ZSWIM4: variants seen among roughly 807,000 people sequenced by gnomAD.
ZSWIM4 encodes the protein zinc finger SWIM-type containing 4.
Under a neutral mutation model 102.5 loss-of-function variants are expected in ZSWIM4, and 62 were observed. The ratio of observed to expected loss-of-function variants is 0.60; its 90% CI spans 0.49 to 0.75. The LOEUF (loss-of-function observed/expected upper bound fraction) is 0.75. ZSWIM4 is among the 30% of genes least tolerant of loss of function. The probability of loss-of-function intolerance (pLI) is 0.00; values close to 1 mark genes in which losing one functional copy is unlikely to be tolerated. For synonymous variants in ZSWIM4, 652 were observed against 674.5 expected, an observed-to-expected ratio of 0.97 and a Z score of 0.52; for missense variants, 1,280 against 1,529.6, an observed-to-expected ratio of 0.84 and a Z score of 2.72.
Position 13,805,083 on chromosome 19 carries a change from T to TG in ZSWIM4, c.648dup (p.Pro217AlafsTer8). On this transcript the variant is annotated frameshift_variant, in exon 3 of 14. Coordinates refer to ENST00000590508, the MANE Select transcript of ZSWIM4 (RefSeq NM_001367834.3). LOFTEE classifies it high-confidence loss of function. ...ATCAGCGCCCATCACACTGAGGTGCTGCCCACTGCTCAGCGCTTGGCTGAT... is the reference window on the plus strand; with the variant it reads ...ATCAGCGCCCATCACACTGAGGTGCTGGCCCACTGCTCAGCGCTTGGCTGAT... 1 of 1,606,646 alleles carries TG rather than the reference T, an allele frequency of 6.2e-7. No individual in the cohort carries two copies. The highest frequency in any genetic ancestry group is 8.5e-7 in the Non-Finnish European group (1 of 1,179,978).
At chr19:13,805,249 T>A in intron 3 of ZSWIM4, 101 bp downstream of exon 3, 1 of 1,159,900 alleles carries the variant, frequency 8.6e-7, no homozygotes, top group Non-Finnish European at 1.2e-6. Context: ...CAGAAAGTTG[T>A]GGGGGCGGGG....
rs1162271121 is a variant in ZSWIM4 at position 13,830,453 on chromosome 19, C to A, written c.2724C>A (p.Ile908=). The A allele has an allele frequency of 1.2e-6, 2 of 1,606,874 alleles. No homozygotes were observed. Among genetic ancestry groups the A allele is most frequent in the Non-Finnish European group, 8.5e-7 (1 of 1,179,878 alleles). ...CGGCCTTCGAGGCGGCCTACCAGAT[C>A]GTGCTGGACGCGGCGGCCGGCGGCC... The part of the protein sequence containing the change: ...NHSAFEAAYQ[I]VLDAAAGGLG... Residue 908 remains isoleucine (I), a synonymous_variant, in exon 14 of 14, where the codon ATC becomes ATA. Coordinates refer to ENST00000590508, the MANE Select transcript of ZSWIM4 (RefSeq NM_001367834.3).
chr19:13,822,637 G>A (rs1221241735), intron 10 of ZSWIM4, among the ~76,000 whole-genome samples: 1 of 152,084 alleles, frequency 6.6e-6, no homozygotes, highest in East Asian at 1.9e-4. Flanking sequence ...GAGGACAGGA[G>A]TTCAAGACTA....
intron 8 of ZSWIM4, 86 bp downstream of exon 8, chr19:13,817,439 C>T (rs926173480): frequency 6.6e-7 from 1 of 1,519,022 alleles, no homozygotes; most frequent in African/African-American, 1.4e-5. Context: ...TATAAGGTAA[C>T]TCCCAGACTC....
intron 3 of ZSWIM4, among the ~76,000 whole-genome samples, chr19:13,807,540 T>C (rs1290572780): frequency 1.3e-5 from 2 of 151,870 alleles, no homozygotes; most frequent in African/African-American, 2.4e-5. Context: ...AATGAACAAA[T>C]GGATGAATGA....
rs142613004 is a variant in ZSWIM4 at position 13,799,770 on chromosome 19, G to C, written c.204G>C (p.Val68=). 228 of 1,613,940 alleles carry C rather than the reference G, an allele frequency of 1.4e-4. No individual in the cohort carries two copies. The highest frequency in any genetic ancestry group is 1.9e-4 in the Non-Finnish European group (220 of 1,180,014). ...CTGAGCCCGTCCAGAAGCGCATCGT[G>C]TTTTGGTCGTTTCCACGCAGTGAAC... ...RVPEPVQKRI[V]FWSFPRSERE... The change falls in exon 2 of 14, where the codon GTG becomes GTC. Residue 68 remains valine (V), a synonymous_variant. Transcript: ENST00000590508.
At chr19:13,798,100 C>G (rs1198874999) in intron 1 of ZSWIM4, among the ~76,000 whole-genome samples, 1 of 152,226 alleles carries the variant, frequency 6.6e-6, no homozygotes, top group Non-Finnish European at 1.5e-5. Flanking sequence ...ATAAAGTGTT[C>G]AGCATAGTGT....
At chr19:13,796,246 T>C (rs531003092) in intron 1 of ZSWIM4, among the ~76,000 whole-genome samples, 1 of 149,884 alleles carries the variant, frequency 6.7e-6, no homozygotes, top group East Asian at 2.0e-4. Flanking sequence ...CTACCGCATC[T>C]TTATTCGCCA....
chr19:13,830,965 A>G lies in ZSWIM4; in HGVS notation c.3236A>G (p.Gln1079Arg), dbSNP rs1975752601. The change falls in exon 14 of 14, where the codon CAG becomes CGG. Residue 1079 changes from glutamine (Q) to arginine (R), a missense_variant. Transcript: ENST00000590508. ...TFLLAPDGHL[Q>R]FSQFLENLKQ... ...CTGCTGGCGCCCGACGGGCACCTCC[A>G]GTTCTCACAGTTCTTGGAGAACCTC... The G allele has an allele frequency of 6.2e-7, 1 of 1,614,028 alleles. No individual in the cohort carries two copies. The highest frequency in any genetic ancestry group is 8.5e-7 in the Non-Finnish European group (1 of 1,179,998).
At position 13,830,846 on chromosome 19, in the gene ZSWIM4, C is replaced by T. The variant is rs1208035191; in HGVS notation, c.3117C>T (p.Ala1039=). The change falls in exon 14 of 14, where the codon GCC becomes GCT. Residue 1039 remains alanine (A), a synonymous_variant. Coordinates refer to ENST00000590508, the MANE Select transcript of ZSWIM4 (RefSeq NM_001367834.3). The part of the protein sequence containing the change: ...LCQLLDAAVT[A]YITTSHSRLT... The stretch of plus-strand genomic sequence containing the variant: ...AGCTCCTGGACGCGGCAGTCACCGC[C>T]TACATCACCACCAGCCACTCGCGCC... 1 of 1,612,736 alleles carries T rather than the reference C, an allele frequency of 6.2e-7. No homozygotes were observed. The highest frequency in any genetic ancestry group is 1.3e-5 in the African/African-American group (1 of 74,920).
intron 1 of ZSWIM4, among the ~76,000 whole-genome samples, chr19:13,799,248 TTTTTTTTA>T (rs1422274804): frequency 6.7e-6 from 1 of 149,266 alleles, no homozygotes; most frequent in Non-Finnish European, 1.5e-5. Flanking sequence ...GCCTGGCTAA[TTTTTTTTA>T]TTTTTTTATT....
Position 13,831,097 on chromosome 19 carries a change from C to G in ZSWIM4, c.*47C>G. 6.6e-7 allele frequency: 1 copy of G among 1,512,166 alleles called. No homozygotes were observed. Among genetic ancestry groups the G allele is most frequent in the South Asian group, 1.3e-5 (1 of 76,550 alleles). 93.7% of individuals were successfully genotyped at this position (1,512,166 alleles called of 1,614,324 possible). ...GTGGGGATCCCCCTCGCCCCTGCGT[C>G]CCCCACCCTTGCTCTCCAATTAGGC... On this transcript the variant is annotated 3_prime_UTR_variant, in exon 14 of 14. Transcript: ENST00000590508.
At chr19:13,823,068 T>G (rs1975511194) in intron 10 of ZSWIM4, among the ~76,000 whole-genome samples, 1 of 152,122 alleles carries the variant, frequency 6.6e-6, no homozygotes, top group Admixed American at 6.5e-5. Flanking sequence ...GGAGGATTAC[T>G]TGAGCCGAGA....
chr19:13,809,274 G>T lies in ZSWIM4; in HGVS notation c.1012+54G>T. ...ACACCGGGACTTCGGCTCCCATGGGGGCTGGCCCACTCCAAGATTAGGGTC... is the reference window on the plus strand; with the variant it reads ...ACACCGGGACTTCGGCTCCCATGGGTGCTGGCCCACTCCAAGATTAGGGTC... On this transcript the variant is annotated intron_variant, in intron 5 of 13. Transcript: ENST00000590508. The surrounding 1 kb of genome is among the most constrained non-coding windows in gnomAD (Gnocchi z 4.2). 6.5e-7 allele frequency: 1 copy of T among 1,535,090 alleles called. No individual in the cohort carries two copies. Among genetic ancestry groups the T allele is most frequent in the South Asian group, 1.2e-5 (1 of 82,328 alleles).
At chr19:13,802,584 G>GA (rs148052261) in intron 2 of ZSWIM4, among the ~76,000 whole-genome samples, 29,851 of 144,932 alleles carry the variant, frequency 0.21, 3,010 homozygotes, top group African/African-American at 0.26. Flanking sequence ...TGTCTCAAAA[G>GA]AAAAAAAAAA....
At chr19:13,811,957 C>G (rs889487404) in intron 5 of ZSWIM4, among the ~76,000 whole-genome samples, 27 of 151,914 alleles carry the variant, frequency 1.8e-4, no homozygotes, top group African/African-American at 6.3e-4. Flanking sequence ...CGCCTGTAAT[C>G]CCAGCTACTT....
chr19:13,823,129 TGACAACA>T (rs1234258127), intron 10 of ZSWIM4, among the ~76,000 whole-genome samples: 2 of 152,158 alleles, frequency 1.3e-5, no homozygotes, highest in Non-Finnish European at 2.9e-5. Context: ...CCAGCCTGGG[TGACAACA>T]GAGTGAGACC....
chr19:13,821,235 G>A (rs1236410709), intron 10 of ZSWIM4, among the ~76,000 whole-genome samples: 1 of 148,176 alleles, frequency 6.7e-6, no homozygotes, highest in Non-Finnish European at 1.5e-5. Flanking sequence ...AATGAGCCCA[G>A]ATCGCACCAC....
chr19:13,811,811 C>A (rs901038276), intron 5 of ZSWIM4, among the ~76,000 whole-genome samples: 1 of 152,100 alleles, frequency 6.6e-6, no homozygotes, highest in Admixed American at 6.6e-5. Flanking sequence ...TGCAGTGGCT[C>A]ACACCTTAAT....
Sources: gnomAD v4.1 joint callset for allele counts (sites outside exome capture counted in the v4.1 genomes callset) on GRCh38, gnomAD v4.1.1 for gene constraint, Gnocchi (gnomAD v3.1) non-coding constraint, MANE v1.5 for transcripts, NCBI Gene and HGNC (gene_info 2026-07-23, HGNC 2026-07-21) for gene names.